Variants in ATRNL1 observed in about 807,000 individuals in gnomAD.
The protein encoded by ATRNL1 is attractin-like protein 1.
Under a neutral mutation model 182.7 loss-of-function variants are expected in ATRNL1, and 95 were observed. That is an observed-to-expected ratio of 0.52 (90% confidence interval 0.44 to 0.62). ATRNL1 has a LOEUF of 0.62. Among genes scored for constraint, ATRNL1 ranks in the 20% least tolerant of loss-of-function variants. ATRNL1 has a pLI of 0.00. For synonymous variants in ATRNL1, 576 were observed against 568.3 expected (o/e 1.01, Z -0.19); for missense variants, 1,471 against 1,679.5 (o/e 0.88, Z 2.17).
chr10:115,527,200 C>T (rs563410353), intron 25 of ATRNL1, among the ~76,000 whole-genome samples: 92 of 151,582 alleles, frequency 6.1e-4, no homozygotes, highest in Middle Eastern at 3.4e-3. Context: ...GTTCACTCAA[C>T]CTCTGCCTCC....
intron 21 of ATRNL1, among the ~76,000 whole-genome samples, chr10:115,457,583 T>G (rs2134512019): frequency 6.6e-6 from 1 of 152,218 alleles, no homozygotes; most frequent in Admixed American, 6.6e-5. Flanking sequence ...TTTTAGATCT[T>G]TTCTCTGCCC....
At chr10:115,199,162 C>A (rs1345173474) in intron 8 of ATRNL1, among the ~76,000 whole-genome samples, 2 of 151,826 alleles carry the variant, frequency 1.3e-5, no homozygotes, top group Non-Finnish European at 2.9e-5. Context: ...TTATTTGTGT[C>A]TTTTTCAATT....
intron 9 of ATRNL1, chr10:115,220,334 T>C (rs1035917512): frequency 3.3e-5 from 5 of 152,198 alleles, no homozygotes; most frequent in South Asian, 2.1e-4. Context: ...GTTCACTTTT[T>C]TTCTTTTGAA....
chr10:115,589,056 T>C (rs1855749047), intron 26 of ATRNL1, among the ~76,000 whole-genome samples: 1 of 152,090 alleles, frequency 6.6e-6, no homozygotes, highest in Non-Finnish European at 1.5e-5. Flanking sequence ...GAATGGCAAA[T>C]AGATAAGACA....
chr10:115,202,884 C>G (rs998650705), intron 8 of ATRNL1, among the ~76,000 whole-genome samples: 3 of 148,538 alleles, frequency 2.0e-5, no homozygotes, highest in African/African-American at 5.0e-5. Flanking sequence ...GGTTGGTAAG[C>G]TATTGATTAT....
rs1844550647 is a variant in ATRNL1, at chr10:115,401,254, G to A, written c.3269+6502G>A. ...TCTAAGTCCAAATATGTTTCATTGA[G>A]TACAGTAGATCTACAAACTCACTCT... On this transcript the variant is annotated intron_variant, in intron 20 of 28. Transcript: ENST00000355044. Among the ~76,000 whole-genome samples the A allele has an allele frequency of 2.0e-5, 3 of 151,974 alleles. No individual in the cohort carries two copies. In the South Asian group the frequency reaches 6.2e-4, roughly 32 times the overall value.
chr10:115,809,835 A>G (rs1950007754), intron 27 of ATRNL1, among the ~76,000 whole-genome samples: 1 of 151,890 alleles, frequency 6.6e-6, no homozygotes, highest in Non-Finnish European at 1.5e-5. Flanking sequence ...ACACTGTGGA[A>G]TTGAAACGAT....
chr10:115,513,581 C>T (rs1335633031), intron 24 of ATRNL1, among the ~76,000 whole-genome samples: 1 of 151,898 alleles, frequency 6.6e-6, no homozygotes, highest in African/African-American at 2.4e-5. Context: ...TAAATGTATA[C>T]CCCTTAAGGA....
At chr10:115,484,709 A>G (rs1343063810) in intron 24 of ATRNL1, among the ~76,000 whole-genome samples, 1 of 151,848 alleles carries the variant, frequency 6.6e-6, no homozygotes, top group Non-Finnish European at 1.5e-5. Flanking sequence ...AATTGCCTGT[A>G]GTTGTCTTCT....
chr10:115,904,104 G>A (rs1555114077), intron 28 of ATRNL1, among the ~76,000 whole-genome samples: 2 of 152,094 alleles, frequency 1.3e-5, no homozygotes, highest in African/African-American at 4.8e-5. Flanking sequence ...TGGGTAGCAT[G>A]GTGCAGTTCT....
intron 28 of ATRNL1, among the ~76,000 whole-genome samples, chr10:115,876,961 T>C (rs529970905): frequency 6.6e-6 from 1 of 152,306 alleles, no homozygotes; most frequent in Non-Finnish European, 1.5e-5. Context: ...AAAGGAATAG[T>C]AGACAATTAG....
intron 5 of ATRNL1, among the ~76,000 whole-genome samples, chr10:115,144,207 G>A (rs960737762): frequency 1.3e-5 from 2 of 151,900 alleles, no homozygotes; most frequent in African/African-American, 4.8e-5. Flanking sequence ...GAGTGCAGTG[G>A]CGCGATCTCG....
At chr10:115,690,451 A>G (rs1555047751) in intron 26 of ATRNL1, among the ~76,000 whole-genome samples, 1 of 152,128 alleles carries the variant, frequency 6.6e-6, no homozygotes, top group East Asian at 1.9e-4. Flanking sequence ...TCTGACAAGA[A>G]GTGGGGCTCA....
Position 115,720,402 on chromosome 10 carries a change from T to TGACAGCCCATGCTTAAATATATA in ATRNL1, c.3796-6829_3796-6828insTATATAGACAGCCCATGCTTAAA, listed in dbSNP as rs565781742. Reference sequence around the variant, plus strand: ...ACATTTCCTAAATTAACCTAAACAATGACAGCCCATGCTTAAAAGGACCAT... The same window carrying TGACAGCCCATGCTTAAATATATA: ...ACATTTCCTAAATTAACCTAAACAATGACAGCCCATGCTTAAATATATAGACAGCCCATGCTTAAAAGGACCAT... On this transcript the variant is annotated intron_variant, in intron 26 of 28. Transcript: ENST00000355044. 7.3e-3 allele frequency among the ~76,000 whole-genome samples: 1,112 copies of TGACAGCCCATGCTTAAATATATA among 152,302 alleles called. 5 individuals are homozygous for TGACAGCCCATGCTTAAATATATA. Among genetic ancestry groups the TGACAGCCCATGCTTAAATATATA allele is most frequent in the Non-Finnish European group, 0.011 (775 of 68,026 alleles).
At chr10:115,157,015 C>G (rs1450477837) in intron 5 of ATRNL1, among the ~76,000 whole-genome samples, 1 of 151,826 alleles carries the variant, frequency 6.6e-6, no homozygotes, top group Admixed American at 6.6e-5. Flanking sequence ...TATAGTCAGA[C>G]AGAGGTAATA....
intron 28 of ATRNL1, among the ~76,000 whole-genome samples, chr10:115,855,753 C>G (rs1245520328): frequency 1.3e-5 from 2 of 152,016 alleles, no homozygotes; most frequent in Non-Finnish European, 2.9e-5. Flanking sequence ...GAAATCAAGC[C>G]CAAAACTGTA....
chr10:115,178,663 A>G (rs1554887287), intron 8 of ATRNL1, among the ~76,000 whole-genome samples: 1 of 152,084 alleles, frequency 6.6e-6, no homozygotes, highest in African/African-American at 2.4e-5. Context: ...TCATGAGTGG[A>G]TTAGTGCCTT....
intron 27 of ATRNL1, among the ~76,000 whole-genome samples, chr10:115,846,258 G>C (rs1389563394): frequency 6.6e-6 from 1 of 151,846 alleles, no homozygotes; most frequent in African/African-American, 2.4e-5. Context: ...ATCTATATGA[G>C]GATAATTTTA....
chr10:115,227,928 G>C (rs1554899033), intron 9 of ATRNL1, among the ~76,000 whole-genome samples: 1 of 152,174 alleles, frequency 6.6e-6, no homozygotes, highest in African/African-American at 2.4e-5. Flanking sequence ...GATAGGGATT[G>C]CCTATGATTG....
Sources: gnomAD v4.1 joint callset for allele counts (sites outside exome capture counted in the v4.1 genomes callset) on GRCh38, gnomAD v4.1.1 for gene constraint, MANE v1.5 for transcripts, NCBI Gene and HGNC (gene_info 2026-07-23, HGNC 2026-07-21) for gene names.